Variants in ZNF773 observed in about 807,000 individuals in gnomAD.
ZNF773 encodes the protein zinc finger protein 773.
Under a neutral mutation model 12.8 loss-of-function variants are expected in ZNF773, and 11 were observed. That is an observed-to-expected ratio of 0.86 (90% CI 0.54 to 1.42). The LOEUF is 1.42. Among genes scored for constraint, ZNF773 ranks in the 40% most tolerant of loss-of-function variants. The pLI, the probability that ZNF773 is intolerant of heterozygous loss-of-function variation, is 0.00. For synonymous variants in ZNF773, 175 were observed against 178.4 expected (o/e 0.98, Z 0.15); for missense variants, 518 against 527.2 (o/e 0.98, Z 0.17).
downstream of ZNF773, among the ~76,000 whole-genome samples, chr19:57,512,782 C>T (rs868087424): frequency 6.6e-6 from 1 of 152,100 alleles, no homozygotes; most frequent in Non-Finnish European, 1.5e-5. Flanking sequence ...TGCAGTGTTC[C>T]TTGTGGTTAT....
chr19:57,515,990 G>T, downstream of ZNF773: 1 of 152,674 alleles, frequency 6.5e-6, no homozygotes, highest in South Asian at 2.0e-4. Context: ...CCCGGAAGAA[G>T]GACAATGGAA....
downstream of ZNF773, chr19:57,508,296 T>C (rs2089769061): frequency 4.1e-6 from 5 of 1,208,910 alleles, no homozygotes; most frequent in Non-Finnish European, 5.3e-6. Flanking sequence ...GCCCTCTGTC[T>C]TGGAGCTCCA....
chr19:57,516,704 T>G (rs1335987486), downstream of ZNF773: 1 of 152,236 alleles, frequency 6.6e-6, no homozygotes, highest in Non-Finnish European at 1.5e-5. Flanking sequence ...ATCACCCAAA[T>G]TGTATTGATT....
In ZNF773 at chr19:57,506,998, G is replaced by C. The variant is rs200220630; in HGVS notation, c.903G>C (p.Arg301Ser). 1 of 1,614,166 alleles carries C rather than the reference G, an allele frequency of 6.2e-7. No individual in the cohort carries two copies. Among genetic ancestry groups the C allele is most frequent in the African/African-American group, 1.3e-5 (1 of 75,034 alleles). ...ATCACAGAATCCACACTGGAGTAAG[G>C]CCTTATGAGTGCAGTGAATGTGGAA... The part of the protein sequence containing the change: ...VQHHRIHTGV[R>S]PYECSECGKL... Residue 301 changes from arginine to serine, a missense_variant, in exon 4 of 4, where the codon AGG becomes AGC. Physicochemically the swap from Arg to Ser is moderately radical, Grantham distance 110. Transcript: ENST00000282292.
intron 1 of ZNF773, among the ~76,000 whole-genome samples, chr19:57,503,959 G>C (rs1419781974): frequency 1.3e-5 from 2 of 152,152 alleles, no homozygotes; most frequent in African/African-American, 4.8e-5. Flanking sequence ...TGCCTGTCCT[G>C]GCCTTCGATT....
intron 1 of ZNF773, among the ~76,000 whole-genome samples, chr19:57,503,076 G>A (rs1439241187): frequency 6.6e-6 from 1 of 152,164 alleles, no homozygotes; most frequent in African/African-American, 2.4e-5. Context: ...GTAATTTTCA[G>A]TGGGAATAAT....
At position 57,499,941 on chromosome 19, in the gene ZNF773, C is replaced by A; in HGVS notation, c.-140C>A. 2 of 1,181,802 alleles carry A rather than the reference C, an allele frequency of 1.7e-6. No homozygotes were observed. The highest frequency in any genetic ancestry group is 2.3e-6 in the Non-Finnish European group (2 of 868,470). 73.2% of individuals were successfully genotyped at this position (1,181,802 alleles called of 1,614,324 possible). ...CTCAGCTTGCCGGAAGCTGGTTGTTCGCTGCGGCGACCAGCTCCGGAAAGC... is the reference window on the plus strand; with the variant it reads ...CTCAGCTTGCCGGAAGCTGGTTGTTAGCTGCGGCGACCAGCTCCGGAAAGC... On this transcript the variant is annotated 5_prime_UTR_variant, in exon 1 of 4. Transcript: ENST00000282292.
chr19:57,500,095 G>C lies in ZNF773; in HGVS notation c.15G>C (p.Thr5=), dbSNP rs772735204. 1.7e-5 allele frequency: 28 copies of C among 1,605,190 alleles called. No individual in the cohort carries two copies. The highest frequency in any genetic ancestry group is 1.3e-4 in the South Asian group (12 of 89,938). MAAA[T]LRDPAQQGYV... ...CACAGGCTCCGATGGCGGCGGCCACGCTGAGGGACCCCGCTCAGGTGAGCG... is the reference window on the plus strand; with the variant it reads ...CACAGGCTCCGATGGCGGCGGCCACCCTGAGGGACCCCGCTCAGGTGAGCG... Residue 5 remains threonine (T), a synonymous_variant, in exon 1 of 4, where the codon ACG becomes ACC. Coordinates refer to ENST00000282292, the MANE Select transcript of ZNF773 (RefSeq NM_198542.3).
chr19:57,507,658 G>T lies in ZNF773; in HGVS notation c.*234G>T, dbSNP rs1214960691. On this transcript the variant is annotated 3_prime_UTR_variant, in exon 4 of 4. Coordinates refer to ENST00000282292, the MANE Select transcript of ZNF773 (RefSeq NM_198542.3). ...GACTGGAGAAAGGCCTTAGACTGTCGCTGAATCAATATGACCTGACTTAAA... is the reference window on the plus strand; with the variant it reads ...GACTGGAGAAAGGCCTTAGACTGTCTCTGAATCAATATGACCTGACTTAAA... The T allele has an allele frequency of 1.5e-6, 2 of 1,334,476 alleles. No individual in the cohort carries two copies. Among genetic ancestry groups the T allele is most frequent in the Non-Finnish European group, 1.9e-6 (2 of 1,049,940 alleles). The allele number at this position is 1,334,476 out of a possible 1,614,324, so 82.7% of individuals were successfully genotyped here. A position where few individuals can be genotyped will look rare whatever the true frequency, so the allele number is the denominator to read the frequency against.
intron 1 of ZNF773, among the ~76,000 whole-genome samples, chr19:57,501,438 CATTA>C (rs56057587): frequency 0.21 from 31,362 of 151,918 alleles, 3,348 homozygotes; most frequent in African/African-American, 0.25. Flanking sequence ...TTGACAGAAG[CATTA>C]ATTATGTGTA....
At chr19:57,517,013 G>A (rs2089836235), downstream of ZNF773, 1 of 152,264 alleles carries the variant, frequency 6.6e-6, no homozygotes, top group African/African-American at 2.4e-5. Context: ...TCCAATTCAG[G>A]AGTCAATATG....
chr19:57,505,484 A>G, intron 3 of ZNF773, 84 bp downstream of exon 3: 2 of 1,452,558 alleles, frequency 1.4e-6, no homozygotes, highest in Non-Finnish European at 1.9e-6. Flanking sequence ...GGGCCCAGAT[A>G]TTTTGATACC....
chr19:57,511,091 C>G (rs976969630), downstream of ZNF773, among the ~76,000 whole-genome samples: 14 of 150,318 alleles, frequency 9.3e-5, no homozygotes, highest in South Asian at 2.1e-4. Flanking sequence ...TCGCTGTCAC[C>G]CAGGCTAGCG....
downstream of ZNF773, among the ~76,000 whole-genome samples, chr19:57,511,136 G>A (rs991199634): frequency 2.0e-5 from 3 of 150,858 alleles, no homozygotes; most frequent in Admixed American, 1.3e-4. Context: ...TGCTGTGTCT[G>A]CCCCCTGGGA....
intron 1 of ZNF773, 97 bp from the exon 2 acceptor site, chr19:57,504,560 G>T: frequency 1.3e-6 from 2 of 1,546,174 alleles, no homozygotes; most frequent in Non-Finnish European, 1.8e-6. Context: ...TCTGAGATGG[G>T]GATTAAGGAA....
At chr19:57,506,258 G>C in intron 3 of ZNF773, 100 bp from the exon 4 acceptor site, 1 of 1,524,130 alleles carries the variant, frequency 6.6e-7, no homozygotes. Flanking sequence ...TCTGCAAGCA[G>C]TCCCACACGC....
chr19:57,508,462 C>T, downstream of ZNF773: 1 of 682,626 alleles, frequency 1.5e-6, no homozygotes, highest in Non-Finnish European at 2.7e-6. Flanking sequence ...TATTTACTTG[C>T]CATAAACCCT....
chr19:57,509,305 T>C (rs2089778063), downstream of ZNF773, among the ~76,000 whole-genome samples: 2 of 152,236 alleles, frequency 1.3e-5, no homozygotes. Flanking sequence ...TTCTGAAATA[T>C]TTGTAGGTTT....
Position 57,506,912 on chromosome 19 carries a change from A to G in ZNF773, c.817A>G (p.Lys273Glu), listed in dbSNP as rs1477349320. 4.3e-6 allele frequency: 7 copies of G among 1,614,204 alleles called. No homozygotes were observed. The highest frequency in any genetic ancestry group is 3.3e-5 in the Admixed American group (2 of 60,028). ...ACACCAGAGAGTTCACACTGGAGAAAAGCCTTTTACATGCAGTGAATGTGG... is the reference window on the plus strand; with the variant it reads ...ACACCAGAGAGTTCACACTGGAGAAGAGCCTTTTACATGCAGTGAATGTGG... ...IQHQRVHTGEKPFTCSECGKA... is the reference protein window; with the variant it reads ...IQHQRVHTGEEPFTCSECGKA... The change falls in exon 4 of 4, where the codon AAG becomes GAG. Residue 273 changes from lysine (K) to glutamate (E), a missense_variant. Lys to Glu is a moderately conservative substitution (Grantham distance 56). Transcript: ENST00000282292.
Sources: allele counts gnomAD v4.1 joint callset (sites outside exome capture counted in the v4.1 genomes callset), GRCh38; gene constraint gnomAD v4.1.1; transcripts MANE v1.5; gene names NCBI Gene and HGNC (gene_info 2026-07-23, HGNC 2026-07-21).